Variants in MACROD2 observed in about 807,000 individuals in gnomAD.
The protein encoded by MACROD2 is mono-ADP ribosylhydrolase 2.
A neutral mutation model predicts 70.4 loss-of-function variants in MACROD2; 36 were observed. The ratio of observed to expected loss-of-function variants is 0.51; its 90% CI spans 0.39 to 0.68. The LOEUF (loss-of-function observed/expected upper bound fraction) is 0.68. Among genes scored for constraint, MACROD2 ranks in the 30% least tolerant of loss-of-function variants. MACROD2 has a pLI of 0.00. For synonymous variants in MACROD2, 172 were observed against 178.8 expected (o/e 0.96, Z 0.30); for missense variants, 496 against 538.4 (o/e 0.92, Z 0.78).
intron 3 of MACROD2, among the ~76,000 whole-genome samples, chr20:14,087,193 G>T (rs751145809): frequency 1.3e-5 from 2 of 151,938 alleles, no homozygotes. Flanking sequence ...GTAGGAATTC[G>T]AGACCAGCCT....
intron 4 of MACROD2, among the ~76,000 whole-genome samples, chr20:14,603,659 C>T (rs1982626449): frequency 1.3e-5 from 2 of 152,130 alleles, no homozygotes; most frequent in African/African-American, 4.8e-5. Flanking sequence ...ATAACAATGA[C>T]AGTACCTATT....
At chr20:15,934,096 G>A (rs146717591) in intron 11 of MACROD2, among the ~76,000 whole-genome samples, 19 of 152,014 alleles carry the variant, frequency 1.2e-4, no homozygotes, top group African/African-American at 3.9e-4. Flanking sequence ...AACATAACCA[G>A]CAAAAAAATA....
At chr20:14,815,296 C>T (rs1600691731) in intron 5 of MACROD2, among the ~76,000 whole-genome samples, 1 of 152,040 alleles carries the variant, frequency 6.6e-6, no homozygotes, top group African/African-American at 2.4e-5. Context: ...ATTTTAAAGA[C>T]AGCCAGTAGT....
At chr20:14,442,289 A>G (rs959280040) in intron 3 of MACROD2, among the ~76,000 whole-genome samples, 1 of 152,038 alleles carries the variant, frequency 6.6e-6, no homozygotes, top group African/African-American at 2.4e-5. Flanking sequence ...AAACAAACAA[A>G]AAACCCAAAA....
chr20:14,388,801 G>A (rs1420931432), intron 3 of MACROD2, among the ~76,000 whole-genome samples: 1 of 152,018 alleles, frequency 6.6e-6, no homozygotes, highest in Admixed American at 6.6e-5. Flanking sequence ...GTCCCATGGT[G>A]GTTATTCAAG....
intron 5 of MACROD2, among the ~76,000 whole-genome samples, chr20:15,123,508 T>G (rs972772482): frequency 3.3e-5 from 5 of 152,234 alleles, no homozygotes; most frequent in Non-Finnish European, 7.3e-5. Flanking sequence ...ATAATAATAA[T>G]GTAGATTGTC....
At chr20:15,402,559 A>G (rs186652302) in intron 6 of MACROD2, among the ~76,000 whole-genome samples, 1 of 152,328 alleles carries the variant, frequency 6.6e-6, no homozygotes, top group Admixed American at 6.5e-5. Context: ...ATTTTTCATG[A>G]TTATTTCAAA....
intron 7 of MACROD2, among the ~76,000 whole-genome samples, chr20:15,460,940 A>T (rs1169486460): frequency 6.9e-6 from 1 of 144,332 alleles, no homozygotes; most frequent in African/African-American, 2.5e-5. Context: ...ACTTTTCTTC[A>T]TTATAAATAG....
intron 3 of MACROD2, among the ~76,000 whole-genome samples, chr20:14,460,466 C>T (rs1400159691): frequency 6.6e-6 from 1 of 152,106 alleles, no homozygotes; most frequent in Non-Finnish European, 1.5e-5. Flanking sequence ...TTGCATTTCT[C>T]TAATGAGCAG....
intron 5 of MACROD2, among the ~76,000 whole-genome samples, chr20:14,763,272 A>C (rs1161396959): frequency 6.6e-6 from 1 of 152,150 alleles, no homozygotes; most frequent in East Asian, 1.9e-4. Context: ...TACAGTATGC[A>C]AAAAAACTTG....
intron 8 of MACROD2, among the ~76,000 whole-genome samples, chr20:15,779,162 A>G (rs2051787209): frequency 6.6e-6 from 1 of 152,144 alleles, no homozygotes; most frequent in Admixed American, 6.5e-5. Flanking sequence ...TATTCAGAGA[A>G]CACTTGGAAT....
chr20:14,344,485 A>G (rs1211030504), intron 3 of MACROD2, among the ~76,000 whole-genome samples: 1 of 152,200 alleles, frequency 6.6e-6, no homozygotes, highest in African/African-American at 2.4e-5. Context: ...TCATTCTGTA[A>G]ATGATTAACC....
intron 8 of MACROD2, among the ~76,000 whole-genome samples, chr20:15,710,194 C>CAAAAAAAAAAAAAAAAAA (rs67656339): frequency 9.7e-6 from 1 of 102,688 alleles, no homozygotes. Context: ...ATCAAAAAGA[C>CAAAAAAAAAAAAAAAAAA]AAAAAAAAAA....
chr20:14,795,953 G>T (rs932624314), intron 5 of MACROD2, among the ~76,000 whole-genome samples: 5 of 152,080 alleles, frequency 3.3e-5, no homozygotes, highest in Non-Finnish European at 7.3e-5. Context: ...AGTCCAAGTA[G>T]ATCAAGAGAC....
At chr20:14,469,773 C>T (rs1459162955) in intron 3 of MACROD2, among the ~76,000 whole-genome samples, 1 of 151,818 alleles carries the variant, frequency 6.6e-6, no homozygotes, top group African/African-American at 2.4e-5. Context: ...TTTTTCAGCT[C>T]CATCAGGTCA....
chr20:15,809,423 G>A (rs2063797433), intron 8 of MACROD2, among the ~76,000 whole-genome samples: 1 of 152,202 alleles, frequency 6.6e-6, no homozygotes, highest in African/African-American at 2.4e-5. Context: ...TCTGCAGGCT[G>A]TACAAGAAGC....
intron 3 of MACROD2, among the ~76,000 whole-genome samples, chr20:14,464,934 T>C (rs961157960): frequency 1.3e-5 from 2 of 152,140 alleles, no homozygotes; most frequent in African/African-American, 4.8e-5. Flanking sequence ...TTACATTTGC[T>C]GAGGAGAGCT....
At position 14,402,925 on chromosome 20, in the gene MACROD2, T is replaced by G. The variant is rs201429704; in HGVS notation, c.272-90554T>G. Among the ~76,000 whole-genome samples, 5 of 152,150 alleles carry G rather than the reference T, an allele frequency of 3.3e-5. No homozygotes were observed. In the East Asian group the frequency reaches 9.6e-4, roughly 29 times the overall value. On this transcript the variant is annotated intron_variant, in intron 3 of 17. Transcript: ENST00000684519. The stretch of plus-strand genomic sequence containing the variant: ...ATGCTAATGACAGAAGGCAGCTACT[T>G]GCATGGGTAATAGACTCAAAGGAAT...
intron 4 of MACROD2, among the ~76,000 whole-genome samples, chr20:14,665,868 C>T (rs1393454360): frequency 6.6e-6 from 1 of 152,090 alleles, no homozygotes; most frequent in Non-Finnish European, 1.5e-5. Flanking sequence ...GCATTATGCA[C>T]TCCATATGAA....
Sources: allele counts gnomAD v4.1 joint callset (sites outside exome capture counted in the v4.1 genomes callset), GRCh38; gene constraint gnomAD v4.1.1; transcripts MANE v1.5; gene names NCBI Gene and HGNC (gene_info 2026-07-23, HGNC 2026-07-21).